The following SEC24C variants were observed in gnomAD, a reference collection of about 807,000 sequenced individuals.
The protein encoded by SEC24C is SEC24 homolog C, COPII component.
Under a neutral mutation model 117.0 loss-of-function variants are expected in SEC24C, and 22 were observed. The ratio of observed to expected loss-of-function variants is 0.19; its 90% CI spans 0.13 to 0.27. The LOEUF is 0.27. SEC24C is among the 10% of genes least tolerant of loss of function. The pLI, the probability that SEC24C is intolerant of heterozygous loss-of-function variation, is 1.00. For missense variants in SEC24C, 1,155 were observed against 1,375.1 expected (o/e 0.84, Z 2.53); for synonymous variants, 506 against 529.4 (o/e 0.96, Z 0.61).
At chr10:73,748,834 C>T (rs558213871) in intron 2 of SEC24C, among the ~76,000 whole-genome samples, 1 of 152,206 alleles carries the variant, frequency 6.6e-6, no homozygotes, top group African/African-American at 2.4e-5. Flanking sequence ...CCTCTGCCTC[C>T]CAGGTTCAAG....
intron 21 of SEC24C, 92 bp from the exon 22 acceptor site, chr10:73,770,617 G>A: frequency 6.6e-7 from 1 of 1,515,256 alleles, no homozygotes; most frequent in Non-Finnish European, 9.2e-7. Context: ...TCCCAGGTTT[G>A]CCTGTTTCAG....
Position 73,771,130 on chromosome 10 carries a change from C to A in SEC24C, c.*35C>A. On this transcript the variant is annotated 3_prime_UTR_variant, in exon 23 of 23. Transcript: ENST00000345254. ...GTAAATGGCATAGGGCCCAGGCTAG[C>A]TTCCAGAAAGCACCCCAGGATGTCA... 1 of 1,601,998 alleles carries A rather than the reference C, an allele frequency of 6.2e-7. No homozygotes were observed. Among genetic ancestry groups the A allele is most frequent in the Non-Finnish European group, 8.5e-7 (1 of 1,174,488 alleles).
At position 73,769,313 on chromosome 10, in the gene SEC24C, G is replaced by A. The variant is rs1037103977; in HGVS notation, c.2425-34G>A. ...TGTAGCAAAGGGCCTTTGTGAGGGA[G>A]GGGTGTGAGTTCCCCCTTTCTCCTT... On this transcript the variant is annotated intron_variant, in intron 17 of 22. Coordinates refer to ENST00000345254, the MANE Select transcript of SEC24C (RefSeq NM_198597.3). The surrounding 1 kb of genome is among the most constrained non-coding windows in gnomAD (Gnocchi z 4.5). 1.9e-6 allele frequency: 3 copies of A among 1,610,944 alleles called. No individual in the cohort carries two copies. The highest frequency in any genetic ancestry group is 1.7e-5 in the Admixed American group (1 of 59,696).
Position 73,770,420 on chromosome 10 carries a change from T to G in SEC24C, c.3003T>G (p.Val1001=), listed in dbSNP as rs751951756. 2.5e-6 allele frequency: 4 copies of G among 1,614,028 alleles called. No homozygotes were observed. The highest frequency in any genetic ancestry group is 3.4e-6 in the Non-Finnish European group (4 of 1,180,028). ...LWVGASVQQG[V]VQSLFSVSSF... ...TGGGAGCAAGCGTCCAACAGGGTGT[T>G]GTCCAGAGCCTTTTCAGCGTCTCCT... Residue 1001 remains valine, a synonymous_variant, in exon 21 of 23, where the codon GTT becomes GTG. Transcript: ENST00000345254.
rs768013427 is a variant in SEC24C, at chr10:73,766,069, ATTTTC to A, written c.1483-14_1483-10del. Reference sequence around the variant, plus strand: ...GCTTACCATTCCCCCTCTCCCCAACATTTTCTTCCTCTGCAGAACAATAAGTTCCC... The same window carrying A: ...GCTTACCATTCCCCCTCTCCCCAACATTCCTCTGCAGAACAATAAGTTCCC... On this transcript the variant is annotated splice_polypyrimidine_tract_variant and intron_variant, in intron 10 of 22. Coordinates refer to ENST00000345254, the MANE Select transcript of SEC24C (RefSeq NM_198597.3). The A allele has an allele frequency of 1.4e-5, 22 of 1,609,028 alleles. No homozygotes were observed. Among genetic ancestry groups the A allele is most frequent in the Non-Finnish European group, 1.8e-5 (21 of 1,178,754 alleles).
At position 73,767,858 on chromosome 10, in the gene SEC24C, G is replaced by A; in HGVS notation, c.2032G>A (p.Gly678Ser). The A allele has an allele frequency of 6.2e-7, 1 of 1,612,322 alleles. No individual in the cohort carries two copies. ...KEKTLFQPQT[G>S]AYQTLAKECV... is the part of the protein sequence containing the mutation. ...CTAGACTCTGTTCCAGCCTCAGACA[G>A]GTGCCTATCAGACCCTGGCCAAAGA... The change falls in exon 15 of 23, where the codon GGT (glycine) becomes AGT (serine). Residue 678 changes from glycine (G) to serine (S), a missense_variant. Gly to Ser is a moderately conservative substitution (Grantham distance 56). Coordinates refer to ENST00000345254, the MANE Select transcript of SEC24C (RefSeq NM_198597.3).
intron 8 of SEC24C, among the ~76,000 whole-genome samples, chr10:73,764,784 G>A (rs1055670567): frequency 2.0e-5 from 3 of 152,188 alleles, no homozygotes; most frequent in African/African-American, 7.2e-5. Context: ...TGAAGAGAGC[G>A]AGCCAGGCAG....
At position 73,766,798 on chromosome 10, in the gene SEC24C, G is replaced by T; in HGVS notation, c.1838G>T (p.Arg613Met). 1 of 1,614,176 alleles carries T rather than the reference G, an allele frequency of 6.2e-7. No homozygotes were observed. The highest frequency in any genetic ancestry group is 1.1e-5 in the South Asian group (1 of 91,076). ...DQIPEMFADT[R>M]ETETVFVPVI... The stretch of plus-strand genomic sequence containing the variant: ...ATTCCAGAAATGTTTGCAGACACAA[G>T]GGAAACAGAGACAGTATTTGTACCA... The change falls in exon 13 of 23, where the codon AGG (arginine) becomes ATG (methionine). Residue 613 changes from arginine (R) to methionine (M), a missense_variant. Arg to Met is a moderately conservative substitution (Grantham distance 91). This residue lies in a region of SEC24C where 759 missense variants were observed against 992.3 expected (regional missense o/e 0.76). Coordinates refer to ENST00000345254, the MANE Select transcript of SEC24C (RefSeq NM_198597.3).
At chr10:73,765,360 C>A in intron 8 of SEC24C, 91 bp from the exon 9 acceptor site, 1 of 1,423,400 alleles carries the variant, frequency 7.0e-7, no homozygotes, top group Non-Finnish European at 9.8e-7. Flanking sequence ...CTGCGCCATG[C>A]GCCTTCTTCC....
intron 3 of SEC24C, among the ~76,000 whole-genome samples, chr10:73,754,289 C>T (rs891171596): frequency 3.3e-5 from 5 of 152,090 alleles, no homozygotes; most frequent in Non-Finnish European, 7.4e-5. Context: ...GTGGCGGGCA[C>T]CTATAATCTC....
chr10:73,746,405 T>A (rs1350799524), intron 1 of SEC24C, among the ~76,000 whole-genome samples: 1 of 152,240 alleles, frequency 6.6e-6, no homozygotes, highest in Non-Finnish European at 1.5e-5. Flanking sequence ...GCTGAATGAA[T>A]GGATGCTAGA....
Position 73,766,097 on chromosome 10 carries a change from C to T in SEC24C, c.1494C>T (p.Phe498=), listed in dbSNP as rs200672501. The change falls in exon 11 of 23, where the codon TTC becomes TTT. Residue 498 remains phenylalanine, a synonymous_variant. Coordinates refer to ENST00000345254, the MANE Select transcript of SEC24C (RefSeq NM_198597.3). ...ATVDYCKNNK[F]PSPPAFIFMI... ...TTCTTCCTCTGCAGAACAATAAGTT[C>T]CCCAGCCCTCCTGCCTTTATCTTCA... 5 of 1,612,728 alleles carry T rather than the reference C, an allele frequency of 3.1e-6. No homozygotes were observed. The South Asian group carries it at 4.4e-5, about 14-fold the overall frequency.
chr10:73,766,064 C>A (rs1169486124), intron 10 of SEC24C, 22 bp from the exon 11 acceptor site: 2 of 1,609,322 alleles, frequency 1.2e-6, no homozygotes, highest in African/African-American at 2.7e-5. Context: ...CCCCCTCTCC[C>A]CAACATTTTC....
chr10:73,771,437 A>T lies in SEC24C; in HGVS notation c.*342A>T, dbSNP rs1168915266. On this transcript the variant is annotated 3_prime_UTR_variant, in exon 23 of 23. Transcript: ENST00000345254. ...ATGTGTCCCTTTGGACCAGTCTCCC[A>T]AGAGGAGAGGGGCAGGCAGGAAAGA... 4.2e-6 allele frequency: 1 copy of T among 237,740 alleles called. No homozygotes were observed. The highest frequency in any genetic ancestry group is 2.3e-5 in the African/African-American group (1 of 43,646). 14.7% of individuals were successfully genotyped at this position (237,740 alleles called of 1,614,324 possible).
At position 73,771,036 on chromosome 10, in the gene SEC24C, G is replaced by A. The variant is rs746077413; in HGVS notation, c.3226G>A (p.Ala1076Thr). ...GGAAGACAAGAGTCTGAGTGGGGGA[G>A]CATCTTATGTGGACTTTCTCTGTCA... ...LVEDKSLSGGASYVDFLCHMH... is the reference protein window; with the variant it reads ...LVEDKSLSGGTSYVDFLCHMH... Residue 1076 changes from alanine (A) to threonine (T), a missense_variant, in exon 23 of 23, where the codon GCA becomes ACA. Ala to Thr is a moderately conservative substitution (Grantham distance 58, BLOSUM62 0). Coordinates refer to ENST00000345254, the MANE Select transcript of SEC24C (RefSeq NM_198597.3). 3.7e-6 allele frequency: 6 copies of A among 1,614,192 alleles called. No individual in the cohort carries two copies. Among genetic ancestry groups the A allele is most frequent in the Non-Finnish European group, 4.2e-6 (5 of 1,180,042 alleles).
At chr10:73,758,773 T>C (rs2082750977) in intron 3 of SEC24C, among the ~76,000 whole-genome samples, 3 of 152,232 alleles carry the variant, frequency 2.0e-5, no homozygotes, top group Admixed American at 6.5e-5. Flanking sequence ...GGTTTTTCAT[T>C]GTGTAGCTAC....
chr10:73,769,739 G>A lies in SEC24C; in HGVS notation c.2682+6G>A. 3.1e-6 allele frequency: 5 copies of A among 1,613,974 alleles called. No individual in the cohort carries two copies. Among genetic ancestry groups the A allele is most frequent in the Non-Finnish European group, 4.2e-6 (5 of 1,179,802 alleles). ...GCCCCTCCTCTGCAGGACAGGTGGG[G>A]CAAGTATATTAGTGGGAGGTGGGGT... On this transcript the variant is annotated splice_donor_region_variant and intron_variant, in intron 19 of 22. Coordinates refer to ENST00000345254, the MANE Select transcript of SEC24C (RefSeq NM_198597.3). The surrounding 1 kb of genome is among the most constrained non-coding windows in gnomAD (Gnocchi z 4.5).
rs756503459 is a variant in SEC24C at position 73,759,652 on chromosome 10, A to G, written c.339A>G (p.Pro113=). The G allele has an allele frequency of 3.1e-5, 49 of 1,564,964 alleles. No homozygotes were observed. The Admixed American group carries it at 9.4e-4, about 30-fold the overall frequency. Residue 113 remains proline, a synonymous_variant, in exon 4 of 23, where the codon CCA becomes CCG. Coordinates refer to ENST00000345254, the MANE Select transcript of SEC24C (RefSeq NM_198597.3). ...RLPGSQPFGS[P]LAPVGNQPPV... ...CTGGGTCTCAGCCATTTGGGTCCCC[A>G]TTGGCCCCTGTGGGCAACCAGCCAC...
intron 15 of SEC24C, among the ~76,000 whole-genome samples, chr10:73,768,537 C>A (rs1195787687): frequency 6.6e-6 from 1 of 152,218 alleles, no homozygotes; most frequent in Non-Finnish European, 1.5e-5. Context: ...TTCTTAAGTA[C>A]TTCCTCTTTT....
Sources: gnomAD v4.1 joint callset for allele counts (sites outside exome capture counted in the v4.1 genomes callset) on GRCh38, gnomAD v4.1.1 for gene constraint, gnomAD v4.1.1 regional missense constraint, Gnocchi (gnomAD v3.1) non-coding constraint, MANE v1.5 for transcripts, NCBI Gene and HGNC (gene_info 2026-07-23, HGNC 2026-07-21) for gene names.